Variants in TAOK3 observed in about 807,000 individuals in gnomAD.
TAOK3 encodes TAO kinase 3, also known as serine/threonine-protein kinase TAO3.
A neutral mutation model predicts 120.4 loss-of-function variants in TAOK3; 40 were observed. The observed-to-expected ratio is 0.33, with a 90% CI of 0.26 to 0.43. The LOEUF (loss-of-function observed/expected upper bound fraction) is 0.43. Among genes scored for constraint, TAOK3 ranks in the 20% least tolerant of loss-of-function variants. The pLI is 1.00. For synonymous variants in TAOK3, 355 were observed against 387.5 expected (o/e 0.92, Z 0.99); for missense variants, 821 against 1,112.1 (o/e 0.74, Z 3.72).
At chr12:118,234,596 G>A (rs1170070032) in intron 8 of TAOK3, among the ~76,000 whole-genome samples, 1 of 152,046 alleles carries the variant, frequency 6.6e-6, no homozygotes, top group Non-Finnish European at 1.5e-5. Flanking sequence ...AGGTTGGGGT[G>A]CAGTGGCGCC....
At chr12:118,266,793 C>G (rs766891371) in intron 1 of TAOK3, 34 bp from the exon 2 acceptor site, 10 of 392,938 alleles carry the variant, frequency 2.5e-5, no homozygotes, top group Non-Finnish European at 4.5e-5. Context: ...ACATAATTAT[C>G]AGCCAAATTA....
intron 17 of TAOK3, among the ~76,000 whole-genome samples, chr12:118,169,473 C>T (rs577479100): frequency 1.4e-3 from 207 of 148,198 alleles, no homozygotes; most frequent in Non-Finnish European, 2.5e-3. Flanking sequence ...CCCACCACCA[C>T]GCCTGGCTAA....
rs149766906 is a variant in TAOK3 at position 118,196,409 on chromosome 12, G to A, written c.1194+2642C>T. Among the ~76,000 whole-genome samples, 16 of 152,030 alleles carry A rather than the reference G, an allele frequency of 1.1e-4. No individual in the cohort carries two copies. In the East Asian group the frequency reaches 2.7e-3, roughly 26 times the overall value. On this transcript the variant is annotated intron_variant, in intron 13 of 20. Transcript: ENST00000392533. ...TAAAATGGTAATCTGTTTCAGATCT[G>A]TTTTGACTACCAGTCAAATTAATTT...
intron 9 of TAOK3, among the ~76,000 whole-genome samples, chr12:118,224,037 C>T (rs2039384123): frequency 6.6e-6 from 1 of 152,220 alleles, no homozygotes; most frequent in African/African-American, 2.4e-5. Context: ...ATATGCCAGG[C>T]ACTCACTGCC....
chr12:118,368,316 C>T (rs998948720), intron 1 of TAOK3, among the ~76,000 whole-genome samples: 27 of 152,044 alleles, frequency 1.8e-4, no homozygotes, highest in Non-Finnish European at 7.4e-5. Flanking sequence ...CCTGCCTCAG[C>T]CTCCCGGGTA....
At chr12:118,358,321 T>C (rs1300670907) in intron 1 of TAOK3, among the ~76,000 whole-genome samples, 2 of 152,216 alleles carry the variant, frequency 1.3e-5, no homozygotes, top group Admixed American at 1.3e-4. Flanking sequence ...TTTAAAAAGT[T>C]ACAAAACAAA....
chr12:118,251,819 T>G (rs1253404768), intron 3 of TAOK3, among the ~76,000 whole-genome samples: 1 of 149,918 alleles, frequency 6.7e-6, no homozygotes, highest in Admixed American at 6.7e-5. Context: ...AAGAAGGGTT[T>G]GGCTGCTTTT....
chr12:118,223,633 A>G (rs1382392256), intron 9 of TAOK3, among the ~76,000 whole-genome samples: 1 of 141,064 alleles, frequency 7.1e-6, no homozygotes, highest in Non-Finnish European at 1.5e-5. Flanking sequence ...GGTGTGAGCC[A>G]CCGCACCCGG....
intron 1 of TAOK3, among the ~76,000 whole-genome samples, chr12:118,307,600 G>A (rs1269138204): frequency 6.6e-6 from 1 of 152,154 alleles, no homozygotes; most frequent in East Asian, 1.9e-4. Context: ...CAGGGTTTAG[G>A]ATAGCAGCTG....
rs1368341119 is a variant in TAOK3 at position 118,150,907 on chromosome 12, G to A, written c.*90C>T. On this transcript the variant is annotated 3_prime_UTR_variant, in exon 21 of 21. Transcript: ENST00000392533. ...GAGAGAGAGAGTGAGAGCAACGCCCGTTAAAATGGGGAATGTGGTTTTGCA... is the reference window on the plus strand; with the variant it reads ...GAGAGAGAGAGTGAGAGCAACGCCCATTAAAATGGGGAATGTGGTTTTGCA... 4.2e-5 allele frequency: 55 copies of A among 1,309,440 alleles called. No individual in the cohort carries two copies. Among genetic ancestry groups the A allele is most frequent in the African/African-American group, 3.0e-5 (2 of 66,758 alleles). 81.1% of individuals were successfully genotyped at this position (1,309,440 alleles called of 1,614,324 possible). A position where few individuals can be genotyped will look rare whatever the true frequency, so the allele number is the denominator to read the frequency against.
intron 9 of TAOK3, among the ~76,000 whole-genome samples, chr12:118,224,897 T>G (rs532784899): frequency 3.3e-5 from 5 of 152,178 alleles, no homozygotes; most frequent in South Asian, 2.1e-4. Context: ...AAGAGAGAGA[T>G]ATCAGAACAA....
intron 19 of TAOK3, among the ~76,000 whole-genome samples, chr12:118,156,307 G>A (rs2034821531): frequency 6.6e-6 from 1 of 152,060 alleles, no homozygotes; most frequent in African/African-American, 2.4e-5. Context: ...ATTGCTGACT[G>A]CCCCTTCCTT....
chr12:118,165,513 G>A (rs534314736), intron 17 of TAOK3, among the ~76,000 whole-genome samples: 22 of 152,290 alleles, frequency 1.4e-4, no homozygotes, highest in South Asian at 1.2e-3. Flanking sequence ...ACCTACATCC[G>A]AATTACCTGT....
intron 1 of TAOK3, among the ~76,000 whole-genome samples, chr12:118,353,545 T>C (rs1182936048): frequency 2.6e-5 from 4 of 151,886 alleles, no homozygotes; most frequent in Non-Finnish European, 5.9e-5. Context: ...CCACTGAAGC[T>C]CTCTGAAAAG....
intron 14 of TAOK3, among the ~76,000 whole-genome samples, chr12:118,185,399 G>A (rs1434667362): frequency 6.6e-6 from 1 of 152,088 alleles, no homozygotes; most frequent in Non-Finnish European, 1.5e-5. Flanking sequence ...GCAACTTCCT[G>A]AACATAAAAC....
intron 5 of TAOK3, among the ~76,000 whole-genome samples, chr12:118,241,881 T>G (rs538668636): frequency 1.2e-4 from 18 of 151,780 alleles, no homozygotes; most frequent in African/African-American, 3.9e-4. Context: ...GAGGCCGAGG[T>G]GGGCGGATCA....
intron 1 of TAOK3, among the ~76,000 whole-genome samples, chr12:118,342,107 A>C (rs184383371): frequency 6.6e-6 from 1 of 152,314 alleles, no homozygotes; most frequent in East Asian, 1.9e-4. Flanking sequence ...TACTTTGACC[A>C]AATACTTTCT....
chr12:118,262,597 T>G (rs1289262263), intron 2 of TAOK3, among the ~76,000 whole-genome samples: 10 of 150,956 alleles, frequency 6.6e-5, no homozygotes, highest in Non-Finnish European at 1.5e-4. Context: ...GAGGCTGAGG[T>G]GGGTGGATCA....
rs1281252811 is a variant in TAOK3, at chr12:118,160,042, A to C, written c.2352+104T>G. 1.3e-5 allele frequency: 13 copies of C among 995,960 alleles called. No homozygotes were observed. The highest frequency in any genetic ancestry group is 2.0e-5 in the Non-Finnish European group (13 of 640,882). 61.7% of individuals were successfully genotyped at this position (995,960 alleles called of 1,614,324 possible). On this transcript the variant is annotated intron_variant, in intron 19 of 20. Coordinates refer to ENST00000392533, the MANE Select transcript of TAOK3 (RefSeq NM_016281.4). This position sits in a 1 kb window ranked among gnomAD's most constrained non-coding sequence, Gnocchi z 4.2. ...GTCCTTTGGGCAGAAAAACATCAAT[A>C]TCCTAAATTTGTGCAAGAATCATCT...
Sources: allele counts gnomAD v4.1 joint callset (sites outside exome capture counted in the v4.1 genomes callset), GRCh38; gene constraint gnomAD v4.1.1; non-coding constraint Gnocchi (gnomAD v3.1); transcripts MANE v1.5; gene names NCBI Gene and HGNC (gene_info 2026-07-23, HGNC 2026-07-21).